The following ATG7 variants were observed in gnomAD, a reference collection of about 807,000 sequenced individuals.
ATG7 encodes the protein autophagy related 7.
A neutral mutation model predicts 82.4 loss-of-function variants in ATG7; 70 were observed. The ratio of observed to expected loss-of-function variants is 0.85; its 90% CI spans 0.70 to 1.04. ATG7 has a LOEUF of 1.04. ATG7 is among the 50% of genes least tolerant of loss of function. The probability of loss-of-function intolerance (pLI) is 0.00; values close to 1 mark genes in which losing one functional copy is unlikely to be tolerated. For missense variants in ATG7, 792 were observed against 864.3 expected, an observed-to-expected ratio of 0.92 and a Z score of 1.05; for synonymous variants, 287 against 313.0, an observed-to-expected ratio of 0.92 and a Z score of 0.88.
intron 20 of ATG7, among the ~76,000 whole-genome samples, chr3:11,538,228 C>T (rs1216043733): frequency 6.6e-6 from 1 of 152,190 alleles, no homozygotes. Flanking sequence ...GGCTGGGTGG[C>T]ACTGCCCTCT....
chr3:11,340,311 C>CT (rs747188142), intron 11 of ATG7, among the ~76,000 whole-genome samples: 2,356 of 144,408 alleles, frequency 0.016, 46 homozygotes, highest in African/African-American at 0.043. Context: ...AAAAGATTGT[C>CT]TTTTTTTTTT....
chr3:11,514,410 G>A (rs1467928071), intron 20 of ATG7, among the ~76,000 whole-genome samples: 1 of 152,218 alleles, frequency 6.6e-6, no homozygotes, highest in East Asian at 1.9e-4. Context: ...GCAGTTTCCT[G>A]TGCTTAGGAC....
chr3:11,451,593 C>T (rs1401351991), intron 20 of ATG7, among the ~76,000 whole-genome samples: 4 of 152,110 alleles, frequency 2.6e-5, no homozygotes, highest in Admixed American at 6.5e-5. Context: ...TAAAGGGCCT[C>T]TGCCAGCTAA....
At chr3:11,293,968 A>T (rs1162587899) in intron 3 of ATG7, among the ~76,000 whole-genome samples, 1 of 150,848 alleles carries the variant, frequency 6.6e-6, no homozygotes, top group Non-Finnish European at 1.5e-5. Context: ...CTGTGAGCTG[A>T]AATTGCACCA....
At chr3:11,561,424 C>T (rs1270210745), downstream of ATG7, among the ~76,000 whole-genome samples, 1 of 152,182 alleles carries the variant, frequency 6.6e-6, no homozygotes, top group Non-Finnish European at 1.5e-5. Context: ...GGCGAATTGC[C>T]TTAACCGGTC....
intron 3 of ATG7, among the ~76,000 whole-genome samples, chr3:11,283,263 A>G (rs1308764232): frequency 6.6e-6 from 1 of 152,184 alleles, no homozygotes; most frequent in Non-Finnish European, 1.5e-5. Flanking sequence ...TGTTTTAGGC[A>G]GAGGAAATTT....
intron 20 of ATG7, among the ~76,000 whole-genome samples, chr3:11,494,273 T>A (rs2090634006): frequency 6.6e-6 from 1 of 151,400 alleles, no homozygotes; most frequent in Non-Finnish European, 1.5e-5. Context: ...GGAAGAGGAG[T>A]TGGTCAACAG....
intron 14 of ATG7, among the ~76,000 whole-genome samples, chr3:11,354,330 C>G (rs1265529468): frequency 2.0e-5 from 3 of 152,080 alleles, no homozygotes; most frequent in African/African-American, 7.2e-5. Flanking sequence ...TTTTATAAAT[C>G]ATATAGCTAT....
rs1055843650 is a variant in ATG7, at chr3:11,369,070, G to A, written c.1875+4336G>A. On this transcript the variant is annotated intron_variant, in intron 18 of 20. Transcript: ENST00000693202. ...TCTAATTGAGTCACATGCTGAGGTG[G>A]AGCTGGGATCTCTAGCCATATCTCG... Among the ~76,000 whole-genome samples, 2 of 150,880 alleles carry A rather than the reference G, an allele frequency of 1.3e-5. 1 individual carries two copies. The highest frequency in any genetic ancestry group is 4.9e-5 in the African/African-American group (2 of 40,826).
intron 5 of ATG7, among the ~76,000 whole-genome samples, chr3:11,306,084 C>T (rs1162869868): frequency 6.6e-6 from 1 of 152,192 alleles, no homozygotes; most frequent in African/African-American, 2.4e-5. Flanking sequence ...GAATCAACTC[C>T]TCTTCTCTTC....
Position 11,279,272 on chromosome 3 carries a change from G to A in ATG7, c.-365-1722G>A, listed in dbSNP as rs559015250. 2.0e-5 allele frequency among the ~76,000 whole-genome samples: 3 copies of A among 152,366 alleles called. No homozygotes were observed. The East Asian group carries it at 5.8e-4, about 29-fold the overall frequency. ...AGAGATGCTCAACATTCTGCAGTGTGCAGGGATAGCTCTAAACAAAAAAGA... is the reference window on the plus strand; with the variant it reads ...AGAGATGCTCAACATTCTGCAGTGTACAGGGATAGCTCTAAACAAAAAAGA... On this transcript the variant is annotated intron_variant, in intron 1 of 20. Coordinates refer to ENST00000693202, the MANE Select transcript of ATG7 (RefSeq NM_001349232.2).
intron 14 of ATG7, 69 bp from the exon 15 acceptor site, chr3:11,358,349 G>A: frequency 6.8e-7 from 1 of 1,473,404 alleles, no homozygotes; most frequent in Non-Finnish European, 9.2e-7. Context: ...GCAGCTGTGG[G>A]AAGTGTGGGC....
chr3:11,283,768 C>T (rs1943472053), intron 3 of ATG7, among the ~76,000 whole-genome samples: 1 of 151,966 alleles, frequency 6.6e-6, no homozygotes, highest in Non-Finnish European at 1.5e-5. Context: ...CAAAACCCTA[C>T]TAAAAATACA....
rs965436055 is a variant in ATG7 at position 11,347,796 on chromosome 3, A to G, written c.1126-81A>G. The G allele has an allele frequency of 8.3e-6, 12 of 1,444,260 alleles. No individual in the cohort carries two copies. The Admixed American group carries it at 2.2e-4, about 26-fold the overall frequency. The allele number at this position is 1,444,260 out of a possible 1,614,324, so 89.5% of individuals were successfully genotyped here. A position where few individuals can be genotyped will look rare whatever the true frequency, so the allele number is the denominator to read the frequency against. On this transcript the variant is annotated intron_variant, in intron 13 of 20. Transcript: ENST00000693202. ...GAGGTTCCCAAGCTTCTCCAAACCA[A>G]TATTCTTTTTGAGATTTCAAGAGAC... is the stretch of plus-strand genomic sequence containing the variant.
chr3:11,498,363 C>T (rs950587923), intron 20 of ATG7, among the ~76,000 whole-genome samples: 1 of 152,192 alleles, frequency 6.6e-6, no homozygotes, highest in African/African-American at 2.4e-5. Flanking sequence ...CTGTATGGCA[C>T]TGCTGCTGAA....
the ATG7 span, among the ~76,000 whole-genome samples, chr3:11,563,467 G>A: frequency 6.6e-6 from 1 of 152,224 alleles, no homozygotes; most frequent in African/African-American, 2.4e-5. Context: ...CTGCCCAACA[G>A]CACAATCCTC....
At chr3:11,520,510 C>G (rs2092413177) in intron 20 of ATG7, among the ~76,000 whole-genome samples, 1 of 152,160 alleles carries the variant, frequency 6.6e-6, no homozygotes, top group Admixed American at 6.5e-5. Context: ...TGCCAGGCAC[C>G]ATACCGGATG....
Position 11,308,920 on chromosome 3 carries a change from A to C in ATG7, c.334-64A>C, listed in dbSNP as rs555856763. 3 of 1,449,490 alleles carry C rather than the reference A, an allele frequency of 2.1e-6. No individual in the cohort carries two copies. In the Admixed American group the frequency reaches 5.0e-5, roughly 24 times the overall value. The allele number at this position is 1,449,490 out of a possible 1,614,324, so 89.8% of individuals were successfully genotyped here. A position where few individuals can be genotyped will look rare whatever the true frequency, so the allele number is the denominator to read the frequency against. On this transcript the variant is annotated intron_variant, in intron 6 of 20. Coordinates refer to ENST00000693202, the MANE Select transcript of ATG7 (RefSeq NM_001349232.2). The stretch of plus-strand genomic sequence containing the variant: ...CTGGTGCTTTTCAGCTCCACACTTC[A>C]CCTGAGAGTGAGAAACTCAGAGATG...
intron 9 of ATG7, among the ~76,000 whole-genome samples, chr3:11,320,138 T>C (rs1559387905): frequency 6.6e-6 from 1 of 151,960 alleles, no homozygotes; most frequent in East Asian, 1.9e-4. Context: ...TGGAACTCTC[T>C]TCTCTCTCTT....
Sources: gnomAD v4.1 joint callset for allele counts (sites outside exome capture counted in the v4.1 genomes callset) on GRCh38, gnomAD v4.1.1 for gene constraint, MANE v1.5 for transcripts, NCBI Gene and HGNC (gene_info 2026-07-23, HGNC 2026-07-21) for gene names.